PYROXD1: variants seen among roughly 807,000 people sequenced by gnomAD.
PYROXD1 encodes the protein tRNA ligase complex-associated NAD(P)H dehydrogenase PYROXD1.
Under a neutral mutation model 62.0 loss-of-function variants are expected in PYROXD1, and 42 were observed. The observed-to-expected ratio is 0.68, with a 90% confidence interval of 0.53 to 0.88. The LOEUF is 0.88. Ranked by LOEUF, PYROXD1 falls within the 40% of genes least tolerant of loss-of-function variation. The probability of loss-of-function intolerance (pLI) is 0.00; values close to 1 mark genes in which losing one functional copy is unlikely to be tolerated. For missense variants in PYROXD1, 493 were observed against 604.8 expected (o/e 0.82, Z 1.94); for synonymous variants, 170 against 206.4 (o/e 0.82, Z 1.51).
chr12:21,444,716 C>G (rs1473183243), intron 2 of PYROXD1, among the ~76,000 whole-genome samples: 1 of 152,094 alleles, frequency 6.6e-6, no homozygotes, highest in East Asian at 1.9e-4. Context: ...AGTAAGATTT[C>G]CATGCAGTTT....
chr12:21,460,413 TTTA>T (rs1452357326), intron 7 of PYROXD1, among the ~76,000 whole-genome samples: 1 of 135,106 alleles, frequency 7.4e-6, no homozygotes, highest in Non-Finnish European at 1.6e-5. Context: ...TATTTATTTA[TTTA>T]TTTATTTTAT....
intron 7 of PYROXD1, among the ~76,000 whole-genome samples, chr12:21,458,491 T>C (rs1942639345): frequency 2.0e-5 from 3 of 152,224 alleles, no homozygotes; most frequent in Non-Finnish European, 2.9e-5. Flanking sequence ...TCCTTTGCAT[T>C]CACAATTTGG....
In PYROXD1 at chr12:21,452,155, G is replaced by GT. The variant is rs747936268; in HGVS notation, c.488+2dup. The GT allele has an allele frequency of 1.3e-6, 2 of 1,517,538 alleles. No individual in the cohort carries two copies. The highest frequency in any genetic ancestry group is 2.6e-5 in the South Asian group (2 of 76,668). The allele number at this position is 1,517,538 out of a possible 1,614,324, so 94.0% of individuals were successfully genotyped here. On this transcript the variant is annotated splice_donor_variant, in intron 5 of 11. Coordinates refer to ENST00000240651, the MANE Select transcript of PYROXD1 (RefSeq NM_024854.5). LOFTEE classifies it high-confidence loss of function. ...ACGGTGGTATTGCACTTGAGTTAGT[G>GT]TAAGTATATATTTTTAAATATGATA...
chr12:21,469,952 A>T lies in PYROXD1; in HGVS notation c.*1198A>T. 1 of 398,492 alleles carries T rather than the reference A, an allele frequency of 2.5e-6. No individual in the cohort carries two copies. Among genetic ancestry groups the T allele is most frequent in the Non-Finnish European group, 4.3e-6 (1 of 232,750 alleles). 24.7% of individuals were successfully genotyped at this position (398,492 alleles called of 1,614,324 possible). On this transcript the variant is annotated 3_prime_UTR_variant, in exon 12 of 12. Coordinates refer to ENST00000240651, the MANE Select transcript of PYROXD1 (RefSeq NM_024854.5). Reference sequence around the variant, plus strand: ...GTATGAACTTATTCTCAAATATTTTACATTTAAAGGGTTTTACATAAAAAT... The same window carrying T: ...GTATGAACTTATTCTCAAATATTTTTCATTTAAAGGGTTTTACATAAAAAT...
Position 21,469,104 on chromosome 12 carries a change from T to A in PYROXD1, c.*350T>A, listed in dbSNP as rs1942861724. On this transcript the variant is annotated 3_prime_UTR_variant, in exon 12 of 12. Transcript: ENST00000240651. ...TACTCTAGTAGACTAGAACCATTCT[T>A]TGTGAAATGTCAAAATATGGCTATG... 1.2e-5 allele frequency: 2 copies of A among 172,340 alleles called. No homozygotes were observed. The highest frequency in any genetic ancestry group is 2.8e-4 in the South Asian group (2 of 7,232). The allele number at this position is 172,340 out of a possible 1,614,324, so 10.7% of individuals were successfully genotyped here. A position where few individuals can be genotyped will look rare whatever the true frequency, so the allele number is the denominator to read the frequency against.
intron 2 of PYROXD1, among the ~76,000 whole-genome samples, chr12:21,442,000 A>G (rs1942304022): frequency 6.6e-6 from 1 of 152,198 alleles, no homozygotes; most frequent in African/African-American, 2.4e-5. Context: ...GTTGTTGAAG[A>G]TTGCAGGGAT....
chr12:21,456,113 A>G lies in PYROXD1; in HGVS notation c.750+18A>G, dbSNP rs755587286. ...CAAAAGAGGTATCTTTTCATATACT[A>G]ATTGGTCATGTCTAAATGTAATTTT... is the stretch of plus-strand genomic sequence containing the variant. On this transcript the variant is annotated intron_variant, in intron 7 of 11. Coordinates refer to ENST00000240651, the MANE Select transcript of PYROXD1 (RefSeq NM_024854.5). 1.4e-6 allele frequency: 2 copies of G among 1,406,184 alleles called. No individual in the cohort carries two copies. Among genetic ancestry groups the G allele is most frequent in the Non-Finnish European group, 1.0e-6 (1 of 1,000,912 alleles). The allele number at this position is 1,406,184 out of a possible 1,614,324, so 87.1% of individuals were successfully genotyped here. A position where few individuals can be genotyped will look rare whatever the true frequency, so the allele number is the denominator to read the frequency against.
chr12:21,457,704 G>A (rs1942623433), intron 7 of PYROXD1, among the ~76,000 whole-genome samples: 1 of 146,428 alleles, frequency 6.8e-6, no homozygotes, highest in Non-Finnish European at 1.5e-5. Flanking sequence ...GAGGAAGAGA[G>A]AGAAGGGGGC....
At chr12:21,440,630 A>G (rs533251941) in intron 2 of PYROXD1, among the ~76,000 whole-genome samples, 182 bp downstream of exon 2, 3 of 151,406 alleles carry the variant, frequency 2.0e-5, no homozygotes, top group East Asian at 1.9e-4. Context: ...GCTATTTAAA[A>G]TCTTTCCAAT....
Position 21,468,790 on chromosome 12 carries a change from A to G in PYROXD1, c.*36A>G. On this transcript the variant is annotated 3_prime_UTR_variant, in exon 12 of 12. Coordinates refer to ENST00000240651, the MANE Select transcript of PYROXD1 (RefSeq NM_024854.5). ...TCTTCAGGAATCATATAAAGTTCCA[A>G]ATGACACCAGAAAAATCACAAGTCA... The G allele has an allele frequency of 6.4e-7, 1 of 1,571,554 alleles. No homozygotes were observed. Among genetic ancestry groups the G allele is most frequent in the Non-Finnish European group, 8.7e-7 (1 of 1,153,986 alleles).
chr12:21,458,232 A>G (rs1476139196), intron 7 of PYROXD1, among the ~76,000 whole-genome samples: 10 of 152,232 alleles, frequency 6.6e-5, no homozygotes, highest in Non-Finnish European at 1.5e-4. Context: ...TTACTTAAAC[A>G]TCATGAACCA....
chr12:21,458,792 A>T (rs1197057729), intron 7 of PYROXD1, among the ~76,000 whole-genome samples: 1 of 152,196 alleles, frequency 6.6e-6, no homozygotes, highest in Non-Finnish European at 1.5e-5. Context: ...GTGGTTCATG[A>T]CACCCCAAGA....
At chr12:21,455,782 T>C (rs1257484928) in intron 6 of PYROXD1, among the ~76,000 whole-genome samples, 3 of 152,056 alleles carry the variant, frequency 2.0e-5, no homozygotes, top group African/African-American at 7.2e-5. Flanking sequence ...TGAGTGTGTT[T>C]ATACTCAACA....
chr12:21,440,168 C>A (rs1393428674), intron 1 of PYROXD1, among the ~76,000 whole-genome samples, 200 bp from the exon 2 acceptor site: 1 of 151,994 alleles, frequency 6.6e-6, no homozygotes, highest in African/African-American at 2.4e-5. Flanking sequence ...ATATTATTTT[C>A]TCAGTATCAG....
At position 21,471,189 on chromosome 12, in the gene PYROXD1, C is replaced by G; in HGVS notation, c.*2435C>G. On this transcript the variant is annotated 3_prime_UTR_variant, in exon 12 of 12. Coordinates refer to ENST00000240651, the MANE Select transcript of PYROXD1 (RefSeq NM_024854.5). The stretch of plus-strand genomic sequence containing the variant: ...AGAAATAACTATATGCGCAGTAATT[C>G]TTAACACATTGACTTGAAATAATAA... The G allele has an allele frequency of 8.1e-7, 1 of 1,236,646 alleles. No individual in the cohort carries two copies. Among genetic ancestry groups the G allele is most frequent in the Middle Eastern group, 2.1e-4 (1 of 4,856 alleles). The allele number at this position is 1,236,646 out of a possible 1,614,324, so 76.6% of individuals were successfully genotyped here.
intron 1 of PYROXD1, among the ~76,000 whole-genome samples, chr12:21,439,036 T>C (rs1942247687): frequency 6.6e-6 from 1 of 152,182 alleles, no homozygotes; most frequent in African/African-American, 2.4e-5. Context: ...AAAGAAGGTA[T>C]TTTTAAAATC....
intron 2 of PYROXD1, among the ~76,000 whole-genome samples, chr12:21,444,812 A>T (rs1942356844): frequency 6.6e-6 from 1 of 152,166 alleles, no homozygotes; most frequent in African/African-American, 2.4e-5. Context: ...GAGCAAGCAG[A>T]TAGTTTATAG....
Position 21,454,867 on chromosome 12 carries a change from G to A in PYROXD1, c.489-265G>A, listed in dbSNP as rs575206106. ...TGAACATTTTCTAATGATGTACACT[G>A]TAATGAAATTTTACTTGATATTCAG... On this transcript the variant is annotated intron_variant, in intron 5 of 11. Transcript: ENST00000240651. 155 of 232,944 alleles carry A rather than the reference G, an allele frequency of 6.7e-4. 1 individual carries two copies. Among genetic ancestry groups the A allele is most frequent in the African/African-American group, 3.4e-3 (151 of 44,540 alleles). The allele number at this position is 232,944 out of a possible 1,614,324, so 14.4% of individuals were successfully genotyped here.
chr12:21,450,650 T>A (rs545172136), intron 4 of PYROXD1, among the ~76,000 whole-genome samples: 1 of 152,334 alleles, frequency 6.6e-6, no homozygotes, highest in Middle Eastern at 3.4e-3. Context: ...TCTCATGACA[T>A]GATGATTTTG....
Sources: gnomAD v4.1 joint callset for allele counts (sites outside exome capture counted in the v4.1 genomes callset) on GRCh38, gnomAD v4.1.1 for gene constraint, MANE v1.5 for transcripts, NCBI Gene and HGNC (gene_info 2026-07-23, HGNC 2026-07-21) for gene names.